Variants in STXBP6 observed in about 807,000 individuals in gnomAD.
STXBP6 encodes the protein syntaxin binding protein 6.
In STXBP6, 21 loss-of-function variants were observed where a neutral mutation model predicts 26.9. The observed-to-expected ratio is 0.78, with a 90% CI of 0.55 to 1.12. The LOEUF (loss-of-function observed/expected upper bound fraction) is 1.12. Ranked by LOEUF, STXBP6 falls within the 50% of genes most tolerant of loss-of-function variation. The pLI, the probability that STXBP6 is intolerant of heterozygous loss-of-function variation, is 0.00. For synonymous variants in STXBP6, 97 were observed against 92.6 expected (o/e 1.05, Z -0.27); for missense variants, 232 against 257.9 (o/e 0.90, Z 0.69).
At chr14:24,892,831 G>C (rs558183072) in intron 2 of STXBP6, among the ~76,000 whole-genome samples, 6 of 152,316 alleles carry the variant, frequency 3.9e-5, no homozygotes, top group African/African-American at 1.4e-4. Flanking sequence ...CAGGAGCAGG[G>C]GCTTGGGCAG....
chr14:24,863,112 G>A (rs1170070122), intron 2 of STXBP6, among the ~76,000 whole-genome samples: 1 of 152,002 alleles, frequency 6.6e-6, no homozygotes, highest in East Asian at 1.9e-4. Flanking sequence ...TCTTTTTCAA[G>A]TAAATGACAG....
intron 4 of STXBP6, among the ~76,000 whole-genome samples, chr14:24,829,045 G>T (rs1286032780): frequency 6.6e-6 from 1 of 152,134 alleles, no homozygotes; most frequent in Non-Finnish European, 1.5e-5. Flanking sequence ...CACCTTGGGA[G>T]AATAAACCAG....
intron 2 of STXBP6, among the ~76,000 whole-genome samples, chr14:24,896,725 C>T (rs2071003350): frequency 1.3e-5 from 2 of 152,052 alleles, no homozygotes; most frequent in Admixed American, 6.6e-5. Context: ...ACCTCTCAGA[C>T]TGGGAACTTG....
At chr14:25,044,717 A>G (rs2075699289) in intron 1 of STXBP6, among the ~76,000 whole-genome samples, 1 of 152,242 alleles carries the variant, frequency 6.6e-6, no homozygotes. Flanking sequence ...CTGGCATTAC[A>G]GGCATGAGCA....
intron 2 of STXBP6, among the ~76,000 whole-genome samples, chr14:24,869,567 T>C (rs1172277805): frequency 6.6e-6 from 1 of 152,208 alleles, no homozygotes; most frequent in African/African-American, 2.4e-5. Context: ...GAATAAGTGG[T>C]GATATGCTCA....
At chr14:24,888,560 A>G (rs2070671329) in intron 2 of STXBP6, among the ~76,000 whole-genome samples, 1 of 151,844 alleles carries the variant, frequency 6.6e-6, no homozygotes. Context: ...CATCTCTACT[A>G]AAAAATACAA....
At chr14:24,821,952 T>C (rs980537374) in intron 4 of STXBP6, among the ~76,000 whole-genome samples, 3 of 152,146 alleles carry the variant, frequency 2.0e-5, no homozygotes, top group Non-Finnish European at 4.4e-5. Context: ...ATCCCAGGGT[T>C]CTTTCCCTCA....
intron 4 of STXBP6, among the ~76,000 whole-genome samples, chr14:24,839,679 C>T (rs2068732003): frequency 6.6e-6 from 1 of 152,168 alleles, no homozygotes; most frequent in Non-Finnish European, 1.5e-5. Context: ...CAGCGCCGGG[C>T]ACTGTTCAAA....
At chr14:24,988,366 T>C (rs1421297695) in intron 1 of STXBP6, among the ~76,000 whole-genome samples, 2 of 152,182 alleles carry the variant, frequency 1.3e-5, no homozygotes, top group African/African-American at 4.8e-5. Context: ...GAAAAAATTG[T>C]CTCGTTGAGG....
chr14:25,030,279 T>C lies in STXBP6; in HGVS notation c.-33+19599A>G, dbSNP rs151257112. Among the ~76,000 whole-genome samples the C allele has an allele frequency of 9.3e-4, 141 of 152,280 alleles. 2 individuals carry two copies. Among genetic ancestry groups the C allele is most frequent in the African/African-American group, 3.2e-3 (135 of 41,562 alleles). ...TGTCTGCTCACAGCATCCAGGACAGTACCCCATGCCCAATATGAGGGGAAA... is the reference window on the plus strand; with the variant it reads ...TGTCTGCTCACAGCATCCAGGACAGCACCCCATGCCCAATATGAGGGGAAA... On this transcript the variant is annotated intron_variant, in intron 1 of 5. Transcript: ENST00000323944.
intron 4 of STXBP6, among the ~76,000 whole-genome samples, chr14:24,831,876 G>A (rs1346381614): frequency 6.6e-6 from 1 of 152,064 alleles, no homozygotes; most frequent in Non-Finnish European, 1.5e-5. Context: ...CAAGTTCCTC[G>A]ACAGAAAACT....
rs116954841 is a variant in STXBP6, at chr14:24,999,715, G to C, written c.-32-24865C>G. On this transcript the variant is annotated intron_variant, in intron 1 of 5. Transcript: ENST00000323944. ...CCCAAAAGACTTCAGTTTAAAAACAGAGGATTATAGCTGAAAGAGTTGCAA... is the reference window on the plus strand; with the variant it reads ...CCCAAAAGACTTCAGTTTAAAAACACAGGATTATAGCTGAAAGAGTTGCAA... Among the ~76,000 whole-genome samples the C allele has an allele frequency of 4.1e-3, 620 of 152,252 alleles. 14 individuals are homozygous for C. The East Asian group carries it at 0.042, about 10-fold the overall frequency.
At chr14:24,925,306 G>C in intron 2 of STXBP6, among the ~76,000 whole-genome samples, 1 of 152,198 alleles carries the variant, frequency 6.6e-6, no homozygotes, top group Non-Finnish European at 1.5e-5. Context: ...TTCACATGAA[G>C]CATGTTGCAA....
chr14:24,990,630 C>T (rs919413284), intron 1 of STXBP6, among the ~76,000 whole-genome samples: 1 of 136,272 alleles, frequency 7.3e-6, no homozygotes, highest in South Asian at 2.3e-4. Context: ...TGCACTCCAG[C>T]CTGGACATGA....
At chr14:24,883,156 A>T (rs2070436165) in intron 2 of STXBP6, among the ~76,000 whole-genome samples, 1 of 152,236 alleles carries the variant, frequency 6.6e-6, no homozygotes, top group Non-Finnish European at 1.5e-5. Flanking sequence ...AATATGTCTC[A>T]TAACTACAAA....
At chr14:24,997,120 T>C (rs1410571907) in intron 1 of STXBP6, among the ~76,000 whole-genome samples, 1 of 152,148 alleles carries the variant, frequency 6.6e-6, no homozygotes, top group South Asian at 2.1e-4. Context: ...ACAGCATGCA[T>C]ATGTCAGACT....
intron 4 of STXBP6, among the ~76,000 whole-genome samples, chr14:24,832,496 G>A (rs1380251141): frequency 6.6e-6 from 1 of 152,172 alleles, no homozygotes; most frequent in African/African-American, 2.4e-5. Context: ...TCTCTCTGGT[G>A]TCAATTTTGA....
intron 5 of STXBP6, among the ~76,000 whole-genome samples, chr14:24,812,961 G>A (rs2067864908): frequency 6.7e-6 from 1 of 150,272 alleles, no homozygotes; most frequent in Non-Finnish European, 1.5e-5. Flanking sequence ...TAGCTTTGCT[G>A]GTGTATGCAT....
chr14:25,026,271 G>A (rs1437008024), intron 1 of STXBP6, among the ~76,000 whole-genome samples: 23 of 151,936 alleles, frequency 1.5e-4, no homozygotes, highest in East Asian at 1.9e-4. Context: ...TCAAAAAGAC[G>A]GTGCCAAAAA....
Sources: allele counts gnomAD v4.1 joint callset (sites outside exome capture counted in the v4.1 genomes callset), GRCh38; gene constraint gnomAD v4.1.1; transcripts MANE v1.5; gene names NCBI Gene and HGNC (gene_info 2026-07-23, HGNC 2026-07-21).